CNTN4: variants seen among roughly 807,000 people sequenced by gnomAD.
CNTN4 encodes the protein contactin-4.
A neutral mutation model predicts 122.5 loss-of-function variants in CNTN4; 77 were observed. The observed-to-expected ratio is 0.63, with a 90% CI of 0.52 to 0.76. CNTN4 has a LOEUF of 0.76. CNTN4 is among the 30% of genes least tolerant of loss of function. The pLI is 0.00. For missense variants in CNTN4, 1,256 were observed against 1,259.1 expected, an observed-to-expected ratio of 1.00 and a Z score of 0.04; for synonymous variants, 512 against 447.0, an observed-to-expected ratio of 1.15 and a Z score of -1.83.
At chr3:3,020,497 G>C (rs991707738) in intron 14 of CNTN4, among the ~76,000 whole-genome samples, 5 of 152,170 alleles carry the variant, frequency 3.3e-5, no homozygotes, top group Non-Finnish European at 7.4e-5. Context: ...GAGGTGGCTC[G>C]GATTCATAGG....
chr3:2,414,681 C>T (rs2047349699), intron 3 of CNTN4, among the ~76,000 whole-genome samples: 1 of 151,912 alleles, frequency 6.6e-6, no homozygotes, highest in Non-Finnish European at 1.5e-5. Flanking sequence ...GCTACTTTTC[C>T]CAAAATTATC....
chr3:2,303,574 T>C lies in CNTN4; in HGVS notation c.-144-35604T>C, dbSNP rs563347068. ...TACATTGTATGGATATACCACATTT[T>C]ATTTATTTATTCATTAGATGATGGA... On this transcript the variant is annotated intron_variant, in intron 2 of 24. Transcript: ENST00000418658. Among the ~76,000 whole-genome samples, 24 of 152,346 alleles carry C rather than the reference T, an allele frequency of 1.6e-4. No individual in the cohort carries two copies. The South Asian group carries it at 5.0e-3, about 32-fold the overall frequency.
chr3:2,314,695 C>T (rs2043032185), intron 2 of CNTN4, among the ~76,000 whole-genome samples: 1 of 151,796 alleles, frequency 6.6e-6, no homozygotes, highest in Non-Finnish European at 1.5e-5. Flanking sequence ...CGATTTAATA[C>T]TGTAGTAATT....
intron 6 of CNTN4, among the ~76,000 whole-genome samples, chr3:2,817,014 C>T (rs6442758): frequency 0.22 from 33,938 of 152,016 alleles, 4,160 homozygotes; most frequent in Non-Finnish European, 0.29. Flanking sequence ...AGAAAAGTAT[C>T]ATGTTGTTAA....
rs542076711 is a variant in CNTN4 at position 2,709,979 on chromosome 3, T to C, written c.56-26236T>C. On this transcript the variant is annotated intron_variant, in intron 4 of 24. Transcript: ENST00000418658. The surrounding 1 kb of genome is among the most constrained non-coding windows in gnomAD (Gnocchi z 5.0). Reference sequence around the variant, plus strand: ...CACTTAATGCTTATTGCTGAAACCCTCCTTTGTTAACATTTTAAATTGTCG... The same window carrying C: ...CACTTAATGCTTATTGCTGAAACCCCCCTTTGTTAACATTTTAAATTGTCG... 1.3e-5 allele frequency among the ~76,000 whole-genome samples: 2 copies of C among 152,282 alleles called. No individual in the cohort carries two copies. The highest frequency in any genetic ancestry group is 3.9e-4 in the East Asian group (2 of 5,182).
At chr3:2,193,470 T>C (rs1056407390) in intron 2 of CNTN4, among the ~76,000 whole-genome samples, 2 of 152,088 alleles carry the variant, frequency 1.3e-5, no homozygotes, top group Non-Finnish European at 2.9e-5. Flanking sequence ...CTGGAAACTT[T>C]TACTGGTTAA....
chr3:2,742,319 A>G (rs911607142), intron 5 of CNTN4, among the ~76,000 whole-genome samples: 1 of 152,204 alleles, frequency 6.6e-6, no homozygotes, highest in African/African-American at 2.4e-5. Flanking sequence ...GAAAAATTTA[A>G]GAAGTTTTAA....
intron 2 of CNTN4, among the ~76,000 whole-genome samples, chr3:2,192,464 C>T (rs112423146): frequency 0.03 from 4,541 of 152,196 alleles, 246 homozygotes; most frequent in African/African-American, 0.1. Flanking sequence ...AGAGCTTCTG[C>T]ACAGCAAAAG....
chr3:2,164,893 A>G (rs2036130785), intron 2 of CNTN4, among the ~76,000 whole-genome samples: 1 of 152,214 alleles, frequency 6.6e-6, no homozygotes, highest in East Asian at 1.9e-4. Context: ...TAGTAGGAGG[A>G]GACTTAAGGA....
In CNTN4 at chr3:2,973,618, T is replaced by G. The variant is rs188439542; in HGVS notation, c.1359-14727T>G. ...GAATTGTCATCAATGTCTCTAAAAT[T>G]CTAAAGACTGAATGAATTTTAATCC... is the stretch of plus-strand genomic sequence containing the variant. On this transcript the variant is annotated intron_variant, in intron 13 of 24. Transcript: ENST00000418658. Among the ~76,000 whole-genome samples the G allele has an allele frequency of 1.1e-3, 168 of 152,136 alleles. 2 individuals are homozygous for G. Among genetic ancestry groups the G allele is most frequent in the African/African-American group, 3.9e-3 (160 of 41,438 alleles).
At chr3:2,500,490 C>G (rs960118367) in intron 3 of CNTN4, among the ~76,000 whole-genome samples, 1 of 151,878 alleles carries the variant, frequency 6.6e-6, no homozygotes, top group African/African-American at 2.4e-5. Context: ...TGTTCTTGCC[C>G]CTCCTTTCTA....
intron 3 of CNTN4, among the ~76,000 whole-genome samples, chr3:2,537,268 C>T (rs1003648646): frequency 5.9e-5 from 9 of 152,164 alleles, no homozygotes; most frequent in Middle Eastern, 6.8e-3. Flanking sequence ...ACAGAGGTTC[C>T]TACGACTCCA....
At position 2,675,489 on chromosome 3, in the gene CNTN4, G is replaced by C. The variant is rs143403155; in HGVS notation, c.56-60726G>C. On this transcript the variant is annotated intron_variant, in intron 4 of 24. Coordinates refer to ENST00000418658, the MANE Select transcript of CNTN4 (RefSeq NM_175607.3). ...TACCCAATTTCCCTATTTTGATAGCGCTTATCACTATCTACAATTATCTTG... is the reference window on the plus strand; with the variant it reads ...TACCCAATTTCCCTATTTTGATAGCCCTTATCACTATCTACAATTATCTTG... Among the ~76,000 whole-genome samples the C allele has an allele frequency of 5.3e-5, 8 of 152,222 alleles. No individual in the cohort carries two copies. In the East Asian group the frequency reaches 1.3e-3, roughly 26 times the overall value.
At chr3:2,639,959 G>A (rs186348073) in intron 4 of CNTN4, among the ~76,000 whole-genome samples, 10 of 152,270 alleles carry the variant, frequency 6.6e-5, no homozygotes, top group Admixed American at 6.5e-5. Flanking sequence ...TGTCAAAAAG[G>A]CACATAATAC....
chr3:2,461,354 T>TAA (rs1559573411), intron 3 of CNTN4, among the ~76,000 whole-genome samples: 33 of 152,186 alleles, frequency 2.2e-4, no homozygotes, highest in African/African-American at 7.2e-4. Flanking sequence ...AATTAATTAG[T>TAA]TAACATTAAT....
At chr3:2,949,662 C>T (rs746508422) in intron 13 of CNTN4, among the ~76,000 whole-genome samples, 2 of 152,186 alleles carry the variant, frequency 1.3e-5, no homozygotes, top group Non-Finnish European at 2.9e-5. Context: ...ACTCTCTAGA[C>T]CCCCAGAGCT....
At position 2,489,490 on chromosome 3, in the gene CNTN4, A is replaced by G. The variant is rs561852083; in HGVS notation, c.-88-81926A>G. Among the ~76,000 whole-genome samples the G allele has an allele frequency of 3.3e-5, 5 of 152,340 alleles. No individual in the cohort carries two copies. In the East Asian group the frequency reaches 9.6e-4, roughly 29 times the overall value. ...TTTGCCATATTAAACCAGAAGCCTC[A>G]GCCAAAATGAAGAGAAACACAGAAG... On this transcript the variant is annotated intron_variant, in intron 3 of 24. Coordinates refer to ENST00000418658, the MANE Select transcript of CNTN4 (RefSeq NM_175607.3).
At chr3:2,885,086 G>C (rs2093956212) in intron 9 of CNTN4, among the ~76,000 whole-genome samples, 1 of 152,202 alleles carries the variant, frequency 6.6e-6, no homozygotes, top group Non-Finnish European at 1.5e-5. Context: ...AAATATAGTA[G>C]AGTTGATGGC....
chr3:2,514,472 TA>T (rs11328897), intron 3 of CNTN4, among the ~76,000 whole-genome samples: 31,616 of 146,244 alleles, frequency 0.22, 4,708 homozygotes, highest in African/African-American at 0.44. Flanking sequence ...ACTCTGTCTT[TA>T]AAAAAAAAAA....
Sources: gnomAD v4.1 joint callset for allele counts (sites outside exome capture counted in the v4.1 genomes callset) on GRCh38, gnomAD v4.1.1 for gene constraint, Gnocchi (gnomAD v3.1) non-coding constraint, MANE v1.5 for transcripts, NCBI Gene and HGNC (gene_info 2026-07-23, HGNC 2026-07-21) for gene names.